Variants in SUSD6 observed in about 807,000 individuals in gnomAD.
The protein encoded by SUSD6 is sushi domain containing 6.
SUSD6 carries 16 observed loss-of-function variants against 28.4 expected under a neutral mutation model. The observed-to-expected ratio is 0.56, with a 90% confidence interval of 0.38 to 0.86. The LOEUF (loss-of-function observed/expected upper bound fraction) is 0.86. SUSD6 is among the 40% of genes least tolerant of loss of function. The pLI is 0.00. For synonymous variants in SUSD6, 147 were observed against 159.6 expected, an observed-to-expected ratio of 0.92 and a Z score of 0.59; for missense variants, 341 against 384.2, an observed-to-expected ratio of 0.89 and a Z score of 0.94.
intron 4 of SUSD6, among the ~76,000 whole-genome samples, chr14:69,707,082 A>G (rs1442895665): frequency 6.6e-6 from 1 of 152,176 alleles, no homozygotes; most frequent in Non-Finnish European, 1.5e-5. Context: ...ATGAGATGAA[A>G]GACACAGGAC....
chr14:69,628,496 C>T (rs996662700), intron 1 of SUSD6, among the ~76,000 whole-genome samples: 6 of 152,146 alleles, frequency 3.9e-5, no homozygotes, highest in Non-Finnish European at 8.8e-5. Context: ...GTGTCTATAT[C>T]AGAGTATCCC....
intron 3 of SUSD6, 124 bp from the exon 4 acceptor site, chr14:69,704,480 C>A: frequency 1.1e-6 from 1 of 904,294 alleles, no homozygotes; most frequent in South Asian, 1.8e-5. Context: ...CCTGAAATGA[C>A]CCTGACCGTA....
At chr14:69,661,629 G>A (rs1221415185) in intron 2 of SUSD6, among the ~76,000 whole-genome samples, 1 of 152,122 alleles carries the variant, frequency 6.6e-6, no homozygotes, top group Non-Finnish European at 1.5e-5. Flanking sequence ...GCTTCTAGGG[G>A]AGTAGGTGCC....
At chr14:69,659,798 C>A (rs749400049) in intron 2 of SUSD6, among the ~76,000 whole-genome samples, 7 of 152,200 alleles carry the variant, frequency 4.6e-5, no homozygotes, top group Non-Finnish European at 8.8e-5. Context: ...GGATTACAGG[C>A]GTCAGCCACG....
intron 2 of SUSD6, among the ~76,000 whole-genome samples, chr14:69,669,651 A>G (rs1885800488): frequency 6.6e-6 from 1 of 152,028 alleles, no homozygotes; most frequent in Non-Finnish European, 1.5e-5. Context: ...GCTTATTCTC[A>G]CCTGGTTCTT....
chr14:69,621,996 G>A (rs1278921457), intron 1 of SUSD6, among the ~76,000 whole-genome samples: 3 of 152,202 alleles, frequency 2.0e-5, no homozygotes, highest in Middle Eastern at 3.2e-3. Flanking sequence ...TGTTAAGGCA[G>A]CAGGTGAGGT....
chr14:69,654,566 A>G (rs1483713228), intron 1 of SUSD6, among the ~76,000 whole-genome samples: 1 of 152,122 alleles, frequency 6.6e-6, no homozygotes, highest in East Asian at 1.9e-4. Context: ...ATTTGTTTTA[A>G]TGGCAGTTTG....
intron 1 of SUSD6, among the ~76,000 whole-genome samples, chr14:69,637,883 A>G (rs1885287833): frequency 6.6e-6 from 1 of 152,118 alleles, no homozygotes; most frequent in Non-Finnish European, 1.5e-5. Context: ...CACTGACTGC[A>G]TGACAGAGTC....
rs753948739 is a variant in SUSD6 at position 69,709,148 on chromosome 14, C to G, written c.886+44C>G. 4.7e-6 allele frequency: 7 copies of G among 1,486,354 alleles called. No individual in the cohort carries two copies. The South Asian group carries it at 9.3e-5, about 20-fold the overall frequency. 92.1% of individuals were successfully genotyped at this position (1,486,354 alleles called of 1,614,324 possible). ...ACATGAATTATTAGCTGCTTAGGGTCCTTGCTGGGAGTGAGGAAGGACTGT... is the reference window on the plus strand; with the variant it reads ...ACATGAATTATTAGCTGCTTAGGGTGCTTGCTGGGAGTGAGGAAGGACTGT... On this transcript the variant is annotated intron_variant, in intron 5 of 5. Coordinates refer to ENST00000342745, the MANE Select transcript of SUSD6 (RefSeq NM_014734.4).
chr14:69,634,708 A>G (rs1187286110), intron 1 of SUSD6, among the ~76,000 whole-genome samples: 1 of 152,254 alleles, frequency 6.6e-6, no homozygotes, highest in East Asian at 1.9e-4. Context: ...TGTAGCTTGT[A>G]TGAAAATAGA....
intron 2 of SUSD6, 62 bp downstream of exon 2, chr14:69,658,775 G>T: frequency 6.2e-7 from 1 of 1,607,128 alleles, no homozygotes. Context: ...TGTTTCTCTC[G>T]AAGACTAGGA....
At chr14:69,660,550 A>G (rs1419162295) in intron 2 of SUSD6, among the ~76,000 whole-genome samples, 1 of 152,230 alleles carries the variant, frequency 6.6e-6, no homozygotes, top group African/African-American at 2.4e-5. Flanking sequence ...GGTCACCCCA[A>G]AACCAGAGGA....
chr14:69,618,858 A>G (rs1884995631), intron 1 of SUSD6, among the ~76,000 whole-genome samples: 1 of 152,244 alleles, frequency 6.6e-6, no homozygotes. Context: ...GAAGATCCAG[A>G]TGCTTCACTG....
intron 2 of SUSD6, among the ~76,000 whole-genome samples, chr14:69,679,782 G>A (rs949490007): frequency 3.9e-5 from 6 of 152,190 alleles, no homozygotes; most frequent in African/African-American, 1.4e-4. Flanking sequence ...TGTCTGGTAG[G>A]TTTCTTGTTT....
In SUSD6 at chr14:69,714,284, G is replaced by C. The variant is rs961482983; in HGVS notation, c.*3305G>C. ...CTTCCTGCTTCATGGGTGGTGGCAC[G>C]GGAATAGATAGCCCTTAGCCCTTTC... is the stretch of plus-strand genomic sequence containing the variant. On this transcript the variant is annotated 3_prime_UTR_variant, in exon 6 of 6. Coordinates refer to ENST00000342745, the MANE Select transcript of SUSD6 (RefSeq NM_014734.4). 6.6e-6 allele frequency: 1 copy of C among 152,216 alleles called. No homozygotes were observed. The highest frequency in any genetic ancestry group is 1.5e-5 in the Non-Finnish European group (1 of 68,052). The allele number at this position is 152,216 out of a possible 1,614,324, so 9.4% of individuals were successfully genotyped here. A position where few individuals can be genotyped will look rare whatever the true frequency, so the allele number is the denominator to read the frequency against.
intron 1 of SUSD6, among the ~76,000 whole-genome samples, chr14:69,616,108 G>A (rs1235028861): frequency 6.6e-6 from 1 of 152,218 alleles, no homozygotes; most frequent in Non-Finnish European, 1.5e-5. Context: ...TAGATTCTCA[G>A]TGGGTTTGCA....
intron 2 of SUSD6, among the ~76,000 whole-genome samples, chr14:69,687,790 GTTAA>G (rs910251745): frequency 3.9e-5 from 6 of 152,216 alleles, no homozygotes; most frequent in Non-Finnish European, 7.3e-5. Context: ...CGTTACAACT[GTTAA>G]TTAAGAGAAT....
At chr14:69,624,378 C>T (rs1432326962) in intron 1 of SUSD6, among the ~76,000 whole-genome samples, 1 of 152,180 alleles carries the variant, frequency 6.6e-6, no homozygotes, top group Non-Finnish European at 1.5e-5. Flanking sequence ...ATCAGAGTGA[C>T]CCTGCTTCAG....
At chr14:69,674,673 T>C (rs969563459) in intron 2 of SUSD6, among the ~76,000 whole-genome samples, 2 of 152,144 alleles carry the variant, frequency 1.3e-5, no homozygotes, top group Admixed American at 1.3e-4. Context: ...TGACCCCGTT[T>C]TCAGCCTTTA....
Sources: allele counts gnomAD v4.1 joint callset (sites outside exome capture counted in the v4.1 genomes callset), GRCh38; gene constraint gnomAD v4.1.1; transcripts MANE v1.5; gene names NCBI Gene and HGNC (gene_info 2026-07-23, HGNC 2026-07-21).